TTC28: variants seen among roughly 807,000 people sequenced by gnomAD.
TTC28 encodes tetratricopeptide repeat domain 28.
TTC28 carries 61 observed loss-of-function variants against 198.0 expected under a neutral mutation model. The observed-to-expected ratio is 0.31, with a 90% CI of 0.25 to 0.38. The LOEUF (loss-of-function observed/expected upper bound fraction) is 0.38, where lower values mean the gene tolerates loss of function less well. TTC28 is among the 10% of genes least tolerant of loss of function. The pLI is 1.00. For synonymous variants in TTC28, 1,171 were observed against 1,297.8 expected (o/e 0.90, Z 2.10); for missense variants, 2,678 against 3,164.0 (o/e 0.85, Z 3.69).
At chr22:28,051,805 A>C (rs991907045) in intron 12 of TTC28, among the ~76,000 whole-genome samples, 1 of 152,316 alleles carries the variant, frequency 6.6e-6, no homozygotes, top group East Asian at 1.9e-4. Context: ...CATGGCTTCG[A>C]AGCCATGATT....
intron 1 of TTC28, among the ~76,000 whole-genome samples, chr22:28,645,405 G>A (rs1224217795): frequency 6.6e-6 from 1 of 151,862 alleles, no homozygotes; most frequent in Non-Finnish European, 1.5e-5. Context: ...AAGGTGGGGG[G>A]ATCACAAGGT....
intron 5 of TTC28, among the ~76,000 whole-genome samples, chr22:28,229,987 T>C (rs987390695): frequency 6.6e-6 from 1 of 152,070 alleles, no homozygotes; most frequent in Non-Finnish European, 1.5e-5. Flanking sequence ...ATGCAATGTG[T>C]CTGGTCTCCA....
At chr22:28,449,107 CA>C (rs755681437) in intron 2 of TTC28, among the ~76,000 whole-genome samples, 22 of 152,164 alleles carry the variant, frequency 1.4e-4, no homozygotes, top group Non-Finnish European at 2.8e-4. Context: ...AACTCTTAGC[CA>C]AAGCTAAGTG....
At chr22:28,481,404 G>C (rs2048245077) in intron 2 of TTC28, among the ~76,000 whole-genome samples, 1 of 152,142 alleles carries the variant, frequency 6.6e-6, no homozygotes, top group African/African-American at 2.4e-5. Flanking sequence ...GAGAATATGA[G>C]TAAAACTCAA....
At chr22:28,149,770 T>C (rs1483161585) in intron 6 of TTC28, among the ~76,000 whole-genome samples, 1 of 152,096 alleles carries the variant, frequency 6.6e-6, no homozygotes, top group Admixed American at 6.6e-5. Flanking sequence ...AGAAGGGAGA[T>C]GTTCATCAAA....
chr22:28,257,778 A>ATATATATATATC (rs1931048960), intron 5 of TTC28, among the ~76,000 whole-genome samples: 7 of 130,986 alleles, frequency 5.3e-5, no homozygotes, highest in African/African-American at 2.0e-4. Context: ...ATATATATAT[A>ATATATATATATC]TATCTTCTAC....
chr22:28,552,329 G>A (rs1467428355), intron 2 of TTC28, among the ~76,000 whole-genome samples: 1 of 151,974 alleles, frequency 6.6e-6, no homozygotes, highest in African/African-American at 2.4e-5. Flanking sequence ...CAAATTCAAT[G>A]CAATTCCCAT....
intron 2 of TTC28, among the ~76,000 whole-genome samples, chr22:28,514,285 G>A (rs1001724884): frequency 2.0e-5 from 3 of 152,184 alleles, no homozygotes; most frequent in African/African-American, 7.2e-5. Context: ...ATTAGTAAGT[G>A]TTACAATGAT....
At chr22:28,508,673 G>A (rs1367314365) in intron 2 of TTC28, among the ~76,000 whole-genome samples, 1 of 152,172 alleles carries the variant, frequency 6.6e-6, no homozygotes, top group African/African-American at 2.4e-5. Flanking sequence ...AACAAGAAGA[G>A]CTAACTATCC....
intron 6 of TTC28, among the ~76,000 whole-genome samples, chr22:28,146,953 A>G (rs753338751): frequency 3.9e-5 from 6 of 152,212 alleles, no homozygotes; most frequent in Non-Finnish European, 7.3e-5. Flanking sequence ...TTTACCAGAA[A>G]ATGAAAGCAT....
chr22:28,388,255 G>C, intron 2 of TTC28, among the ~76,000 whole-genome samples: 1 of 152,208 alleles, frequency 6.6e-6, no homozygotes, highest in Admixed American at 6.5e-5. Context: ...TAGCCTTGTA[G>C]TATAGTTTGA....
At chr22:28,677,723 G>A (rs1377689653) in intron 1 of TTC28, among the ~76,000 whole-genome samples, 3 of 152,100 alleles carry the variant, frequency 2.0e-5, no homozygotes, top group Non-Finnish European at 2.9e-5. Flanking sequence ...GATCACTTGA[G>A]GTCAAGGAGT....
intron 1 of TTC28, among the ~76,000 whole-genome samples, chr22:28,655,217 T>C (rs1459162769): frequency 6.6e-6 from 1 of 152,188 alleles, no homozygotes; most frequent in African/African-American, 2.4e-5. Context: ...ATAAACATGG[T>C]CCCTACCCTA....
chr22:28,600,914 T>C, intron 2 of TTC28, among the ~76,000 whole-genome samples: 1 of 152,226 alleles, frequency 6.6e-6, no homozygotes, highest in East Asian at 1.9e-4. Flanking sequence ...AGAAATCAGA[T>C]CACTGCTTCT....
chr22:28,248,014 T>C (rs952602046), intron 5 of TTC28, among the ~76,000 whole-genome samples: 4 of 152,226 alleles, frequency 2.6e-5, no homozygotes, highest in Admixed American at 1.3e-4. Context: ...TAACAAACAA[T>C]ATCATAGTGT....
At chr22:28,417,466 C>T (rs1224360858) in intron 2 of TTC28, among the ~76,000 whole-genome samples, 1 of 151,796 alleles carries the variant, frequency 6.6e-6, no homozygotes, top group Non-Finnish European at 1.5e-5. Context: ...CACAGTGAGA[C>T]CCCCATCTCA....
At chr22:28,158,462 A>G (rs1216870468) in intron 6 of TTC28, among the ~76,000 whole-genome samples, 5 of 152,248 alleles carry the variant, frequency 3.3e-5, no homozygotes, top group Non-Finnish European at 7.3e-5. Flanking sequence ...AGCTATCCTA[A>G]GGAAAAATAA....
chr22:28,640,113 C>A (rs2051338998), intron 1 of TTC28, among the ~76,000 whole-genome samples: 2 of 151,996 alleles, frequency 1.3e-5, no homozygotes, highest in South Asian at 4.2e-4. Context: ...TCAGGACCAG[C>A]CTGGGGAACA....
chr22:28,205,662 T>C (rs1926341454), intron 5 of TTC28, among the ~76,000 whole-genome samples: 1 of 152,112 alleles, frequency 6.6e-6, no homozygotes. Context: ...TTTGATGGGA[T>C]AAATATATAT....
Sources: gnomAD v4.1 joint callset for allele counts (sites outside exome capture counted in the v4.1 genomes callset) on GRCh38, gnomAD v4.1.1 for gene constraint, MANE v1.5 for transcripts, NCBI Gene and HGNC (gene_info 2026-07-23, HGNC 2026-07-21) for gene names.